EIF4G1: variants seen among roughly 807,000 people sequenced by gnomAD.
EIF4G1 encodes EIF4-gamma.
EIF4G1 carries 4 observed loss-of-function variants against 187.8 expected under a neutral mutation model. That is an observed-to-expected ratio of 0.02 (90% confidence interval 0.01 to 0.05). EIF4G1 has a LOEUF of 0.05. EIF4G1 is among the 10% of genes least tolerant of loss of function. The pLI, the probability that EIF4G1 is intolerant of heterozygous loss-of-function variation, is 1.00. For synonymous variants in EIF4G1, 844 were observed against 781.4 expected (o/e 1.08, Z -1.34); for missense variants, 1,647 against 2,081.1 (o/e 0.79, Z 4.06).
In EIF4G1 at chr3:184,324,186, C is replaced by T. The variant is rs765643284; in HGVS notation, c.2473-15C>T. The T allele has an allele frequency of 1.2e-6, 2 of 1,614,220 alleles. No homozygotes were observed. Among genetic ancestry groups the T allele is most frequent in the African/African-American group, 1.3e-5 (1 of 75,064 alleles). Reference sequence around the variant, plus strand: ...CAGGACTAGTCTTGAGTGTGACATTCTCTCTGACCTACAGCTGAAAGTGCC... The same window carrying T: ...CAGGACTAGTCTTGAGTGTGACATTTTCTCTGACCTACAGCTGAAAGTGCC... On this transcript the variant is annotated splice_polypyrimidine_tract_variant and intron_variant, in intron 16 of 32. Transcript: ENST00000346169.
Position 184,335,139 on chromosome 3 carries a change from A to G in EIF4G1, c.*231A>G. 2 of 559,202 alleles carry G rather than the reference A, an allele frequency of 3.6e-6. No individual in the cohort carries two copies. Among genetic ancestry groups the G allele is most frequent in the Non-Finnish European group, 3.2e-6 (1 of 314,652 alleles). 34.6% of individuals were successfully genotyped at this position (559,202 alleles called of 1,614,324 possible). On this transcript the variant is annotated 3_prime_UTR_variant, in exon 33 of 33. Coordinates refer to ENST00000346169, the MANE Select transcript of EIF4G1 (RefSeq NM_198241.3). ...CCCCTGGGGCACAGAGATATATTATATATAAAGTCTTGAAATTTGGTGTGT... is the reference window on the plus strand; with the variant it reads ...CCCCTGGGGCACAGAGATATATTATGTATAAAGTCTTGAAATTTGGTGTGT...
intron 6 of EIF4G1, among the ~76,000 whole-genome samples, chr3:184,319,467 T>TTTG (rs1723449998): frequency 4.4e-4 from 5 of 11,280 alleles, no homozygotes; most frequent in South Asian, 2.1e-3. Context: ...GTGTGTGTGT[T>TTTG]TGTGTGTGTG....
Position 184,316,124 on chromosome 3 carries a change from C to T in EIF4G1, c.61-8C>T. ...CCCTCTTGCTGAACTCTGGTCTCCCCTCTTCAGCCAGCGTTTCCCCCGGGG... is the reference window on the plus strand; with the variant it reads ...CCCTCTTGCTGAACTCTGGTCTCCCTTCTTCAGCCAGCGTTTCCCCCGGGG... On this transcript the variant is annotated splice_region_variant and splice_polypyrimidine_tract_variant and intron_variant, in intron 3 of 32. Transcript: ENST00000346169. 1 of 1,614,138 alleles carries T rather than the reference C, an allele frequency of 6.2e-7. No individual in the cohort carries two copies. The highest frequency in any genetic ancestry group is 8.5e-7 in the Non-Finnish European group (1 of 1,180,018).
intron 7 of EIF4G1, chr3:184,320,399 G>C (rs1723682874): frequency 7.0e-7 from 1 of 1,430,520 alleles, no homozygotes; most frequent in Non-Finnish European, 9.1e-7. Context: ...GAGGGGCATT[G>C]TGATGTACAG....
chr3:184,317,736 T>C lies in EIF4G1; in HGVS notation c.344T>C (p.Val115Ala). The change falls in exon 6 of 33, where the codon GTC becomes GCC. Residue 115 changes from valine (V) to alanine (A), a missense_variant. By Grantham distance (64) the Val-to-Ala change is moderately conservative. Coordinates refer to ENST00000346169, the MANE Select transcript of EIF4G1 (RefSeq NM_198241.3). ...CACCAGGGGCGTTCCACATACGTTG[T>C]CCCGACACAGCAGTACCCTGTGCAG... is the stretch of plus-strand genomic sequence containing the variant. ...IPGQGRSTYVVPTQQYPVQPG... is the reference protein window; with the variant it reads ...IPGQGRSTYVAPTQQYPVQPG... 1 of 1,614,110 alleles carries C rather than the reference T, an allele frequency of 6.2e-7. No individual in the cohort carries two copies. Among genetic ancestry groups the C allele is most frequent in the Non-Finnish European group, 8.5e-7 (1 of 1,180,018 alleles).
chr3:184,322,915 A>G lies in EIF4G1; in HGVS notation c.1890A>G (p.Pro630=). The G allele has an allele frequency of 1.2e-6, 2 of 1,614,198 alleles. No homozygotes were observed. Among genetic ancestry groups the G allele is most frequent in the South Asian group, 2.2e-5 (2 of 91,084 alleles). The change falls in exon 13 of 33, where the codon CCA becomes CCG. Residue 630 remains proline, a synonymous_variant. Transcript: ENST00000346169. The part of the protein sequence containing the change: ...FQFIFASMQK[P]EGLPHISDVV... ...TCATCTTTGCCAGTATGCAGAAGCC[A>G]GAGGGATTGCCACATATCAGTGACG...
chr3:184,328,321 G>A, intron 26 of EIF4G1: 1 of 483,120 alleles, frequency 2.1e-6, no homozygotes, highest in Non-Finnish European at 3.8e-6. Context: ...AACCCGGGAG[G>A]TGGAGGTTGC....
intron 3 of EIF4G1, 31 bp downstream of exon 3, chr3:184,315,887 G>T: frequency 1.9e-6 from 3 of 1,542,050 alleles, no homozygotes; most frequent in Non-Finnish European, 2.6e-6. Flanking sequence ...AGGGGTGGGG[G>T]TGGGGGAGAC....
Position 184,331,349 on chromosome 3 carries a change from A to C in EIF4G1, c.4245A>C (p.Ala1415=). 6.2e-7 allele frequency: 1 copy of C among 1,614,218 alleles called. No individual in the cohort carries two copies. The highest frequency in any genetic ancestry group is 1.6e-4 in the Middle Eastern group (1 of 6,062). The part of the protein sequence containing the change: ...EFLPEGQDIG[A]FVAEQKVEYT... ...TACCTGAAGGCCAGGACATTGGTGCATTCGTCGCTGAACAGGTTTGGGGAT... is the reference window on the plus strand; with the variant it reads ...TACCTGAAGGCCAGGACATTGGTGCCTTCGTCGCTGAACAGGTTTGGGGAT... Residue 1415 remains alanine, a synonymous_variant, in exon 29 of 33, where the codon GCA becomes GCC. Coordinates refer to ENST00000346169, the MANE Select transcript of EIF4G1 (RefSeq NM_198241.3).
chr3:184,323,027 AAG>A lies in EIF4G1; in HGVS notation c.1930-53_1930-52del. The A allele has an allele frequency of 1.2e-6, 2 of 1,614,134 alleles. No individual in the cohort carries two copies. ...ATTGGGGAGGAGCCTGAGGTCCTGA[AAG>A]AGTAGTCAACCGCTCTAGCCTGCTT... On this transcript the variant is annotated intron_variant, in intron 13 of 32. Coordinates refer to ENST00000346169, the MANE Select transcript of EIF4G1 (RefSeq NM_198241.3). The surrounding 1 kb of genome is among the most constrained non-coding windows in gnomAD (Gnocchi z 6.9).
intron 22 of EIF4G1, 125 bp from the exon 23 acceptor site, chr3:184,326,756 T>C: frequency 6.7e-7 from 1 of 1,490,394 alleles, no homozygotes; most frequent in South Asian, 1.1e-5. Context: ...GAGGTTTGTG[T>C]TGTGGTTCCA....
Position 184,321,463 on chromosome 3 carries a change from A to T in EIF4G1, c.879A>T (p.Ile293=). ...TTCCTGGGGACACTATGACAACTAT[A>T]CAAATGTCTGTAGAAGAATCAACCC... ...LSIPGDTMTT[I]QMSVEESTPI... Residue 293 remains isoleucine (I), a synonymous_variant, in exon 10 of 33, where the codon ATA becomes ATT. Transcript: ENST00000346169. 1 of 1,614,120 alleles carries T rather than the reference A, an allele frequency of 6.2e-7. No homozygotes were observed. The highest frequency in any genetic ancestry group is 1.1e-5 in the South Asian group (1 of 91,076).
rs369883974 is a variant in EIF4G1, at chr3:184,322,545, C to T, written c.1610C>T (p.Ala537Val). 120 of 1,613,920 alleles carry T rather than the reference C, an allele frequency of 7.4e-5. 1 individual carries two copies. Among genetic ancestry groups the T allele is most frequent in the Admixed American group, 3.8e-4 (23 of 59,984 alleles). Residue 537 changes from alanine (A) to valine (V), a missense_variant and splice_region_variant, in exon 12 of 33, where the codon GCG (alanine) becomes GTG (valine). By Grantham distance (64) the Ala-to-Val change is moderately conservative (BLOSUM62 0). Around this residue, in one of 11 missense-constraint regions of EIF4G1, gnomAD observed 522 missense variants for 485.2 expected, o/e 1.08. Transcript: ENST00000346169. ...AAACTGGATGTTCTGTTGTTCTAGG[C>T]GAACCCGGCAGTACCAGAGGTGGAA... ...VGDLLDAFKEANPAVPEVENQ... is the reference protein window; with the variant it reads ...VGDLLDAFKEVNPAVPEVENQ...
intron 21 of EIF4G1, 73 bp downstream of exon 21, chr3:184,326,024 G>A: frequency 1.3e-6 from 2 of 1,481,624 alleles, no homozygotes; most frequent in South Asian, 2.3e-5. Flanking sequence ...CTAAAGTTGA[G>A]AAGGTGACAG....
rs1722998027 is a variant in EIF4G1, at chr3:184,317,510, G to T, written c.324+13G>T. The T allele has an allele frequency of 6.2e-7, 1 of 1,613,926 alleles. No individual in the cohort carries two copies. The highest frequency in any genetic ancestry group is 8.5e-7 in the Non-Finnish European group (1 of 1,179,928). ...CATCCCTGGACAGGTGAGGCTGGGG[G>T]CTTGGAGCCTAGAAGCCACAGACCC... On this transcript the variant is annotated intron_variant, in intron 5 of 32. Coordinates refer to ENST00000346169, the MANE Select transcript of EIF4G1 (RefSeq NM_198241.3).
intron 6 of EIF4G1, among the ~76,000 whole-genome samples, chr3:184,318,620 T>C (rs1360285294): frequency 6.6e-6 from 1 of 152,182 alleles, no homozygotes; most frequent in Non-Finnish European, 1.5e-5. Flanking sequence ...TAATTTTCTT[T>C]TTGAGACGGA....
rs1474235207 is a variant in EIF4G1 at position 184,327,592 on chromosome 3, G to A, written c.3668G>A (p.Arg1223Gln). ...DRDRGRDAVK[R>Q]EAALPPVSPL... The stretch of plus-strand genomic sequence containing the variant: ...CTGTGTTCTCTTCCCACAGTGAAGC[G>A]AGAAGCTGCCCTACCCCCAGTGAGC... Residue 1223 changes from arginine (R) to glutamine (Q), a missense_variant, in exon 25 of 33, where the codon CGA (arginine) becomes CAA (glutamine). Physicochemically the swap from Arg to Gln is conservative, Grantham distance 43. Coordinates refer to ENST00000346169, the MANE Select transcript of EIF4G1 (RefSeq NM_198241.3). The A allele has an allele frequency of 6.8e-6, 11 of 1,614,124 alleles. No homozygotes were observed. The highest frequency in any genetic ancestry group is 8.5e-6 in the Non-Finnish European group (10 of 1,179,962).
chr3:184,323,645 C>T lies in EIF4G1; in HGVS notation c.2274+52C>T. ...CTCTCCATTTCTTCTCCAGGTCTGC[C>T]ATCTGTGCCCTCTTTGCTTCTTTTT... On this transcript the variant is annotated intron_variant, in intron 15 of 32. Transcript: ENST00000346169. The surrounding 1 kb of genome is among the most constrained non-coding windows in gnomAD (Gnocchi z 6.9). 6.2e-7 allele frequency: 1 copy of T among 1,612,622 alleles called. No homozygotes were observed. Among genetic ancestry groups the T allele is most frequent in the African/African-American group, 1.3e-5 (1 of 75,008 alleles).
chr3:184,314,839 T>G (rs1722424366), intron 1 of EIF4G1, among the ~76,000 whole-genome samples, 165 bp downstream of exon 1: 1 of 147,830 alleles, frequency 6.8e-6, no homozygotes, highest in Non-Finnish European at 1.5e-5. Context: ...CCGGCCCACG[T>G]GTGCCTGGCC....
Sources: gnomAD v4.1 joint callset for allele counts (sites outside exome capture counted in the v4.1 genomes callset) on GRCh38, gnomAD v4.1.1 for gene constraint, gnomAD v4.1.1 regional missense constraint, Gnocchi (gnomAD v3.1) non-coding constraint, MANE v1.5 for transcripts, NCBI Gene and HGNC (gene_info 2026-07-23, HGNC 2026-07-21) for gene names.